The following KRT85 variants were observed in gnomAD, a reference collection of about 807,000 sequenced individuals.
The protein encoded by KRT85 is keratin, type II cuticular Hb5.
KRT85 carries 39 observed loss-of-function variants against 53.7 expected under a neutral mutation model. The observed-to-expected ratio is 0.73, with a 90% CI of 0.56 to 0.95. The LOEUF is 0.95. Among genes scored for constraint, KRT85 ranks in the 40% least tolerant of loss-of-function variants. The pLI, the probability that KRT85 is intolerant of heterozygous loss-of-function variation, is 0.00. For synonymous variants in KRT85, 291 were observed against 277.5 expected (o/e 1.05, Z -0.48); for missense variants, 668 against 686.0 (o/e 0.97, Z 0.29).
chr12:52,360,362 C>T lies in KRT85; in HGVS notation c.*491G>A, dbSNP rs1409114364. ...AAGGCAGTCTGAGAGAGAAGCAAAA[C>T]ATGAACAGGAATGAACAGGCAAGTG... On this transcript the variant is annotated 3_prime_UTR_variant, in exon 9 of 9. Coordinates refer to ENST00000257901, the MANE Select transcript of KRT85 (RefSeq NM_002283.4). The T allele has an allele frequency of 1.0e-5, 2 of 197,264 alleles. No homozygotes were observed. Among genetic ancestry groups the T allele is most frequent in the African/African-American group, 4.7e-5 (2 of 42,316 alleles). 12.2% of individuals were successfully genotyped at this position (197,264 alleles called of 1,614,324 possible). A position where few individuals can be genotyped will look rare whatever the true frequency, so the allele number is the denominator to read the frequency against.
At position 52,365,158 on chromosome 12, in the gene KRT85, C is replaced by T. The variant is rs759279585; in HGVS notation, c.433G>A (p.Glu145Lys). 1 of 1,614,208 alleles carries T rather than the reference C, an allele frequency of 6.2e-7. No homozygotes were observed. The highest frequency in any genetic ancestry group is 1.1e-5 in the South Asian group (1 of 91,082). The change falls in exon 2 of 9, where the codon GAG becomes AAG. Residue 145 changes from glutamate (E) to lysine (K), a missense_variant. Glu to Lys is a moderately conservative substitution (Grantham distance 56). Coordinates refer to ENST00000257901, the MANE Select transcript of KRT85 (RefSeq NM_002283.4). The stretch of plus-strand genomic sequence containing the variant: ...GTCTCCAGCAGCTTGTTCTGCTGCT[C>T]CAGGAAGCGCACCTGCCATTCAGGT... ...AAFIDKVRFL[E>K]QQNKLLETKW...
intron 4 of KRT85, among the ~76,000 whole-genome samples, chr12:52,363,831 T>A (rs571713967): frequency 2.6e-5 from 4 of 152,256 alleles, no homozygotes; most frequent in Admixed American, 1.3e-4. Flanking sequence ...CACACCAACA[T>A]GCAGAGAGGT....
Position 52,364,142 on chromosome 12 carries a change from G to A in KRT85, c.712C>T (p.Arg238Trp), listed in dbSNP as rs368849863. The A allele has an allele frequency of 1.4e-5, 22 of 1,613,986 alleles. No individual in the cohort carries two copies. The highest frequency in any genetic ancestry group is 1.1e-4 in the East Asian group (5 of 44,888). The change falls in exon 4 of 9, where the codon CGG (arginine) becomes TGG (tryptophan). Residue 238 changes from arginine to tryptophan, a missense_variant. Around this residue, in one of 3 missense-constraint regions of KRT85, gnomAD observed 488 missense variants for 498.1 expected, o/e 0.98. Transcript: ENST00000257901. ...LKKDVDCAYL[R>W]KSDLEANVEA... ...ACATTGGCCTCCAGGTCTGATTTCC[G>A]CAGGTAGGCACAGTCCACGTCCTGG...
intron 6 of KRT85, 22 bp downstream of exon 6, chr12:52,362,832 T>C: frequency 6.2e-7 from 1 of 1,614,154 alleles, no homozygotes; most frequent in African/African-American, 1.3e-5. Flanking sequence ...TGCTGCGTAT[T>C]TGAATCCTCC....
At chr12:52,364,494 A>G (rs1437773537) in intron 2 of KRT85, 128 bp from the exon 3 acceptor site, 2 of 1,555,896 alleles carry the variant, frequency 1.3e-6, no homozygotes, top group Admixed American at 1.9e-5. Context: ...TGGCCCCTCC[A>G]GGATCTATTT....
chr12:52,364,409 C>T, intron 2 of KRT85, 43 bp from the exon 3 acceptor site: 1 of 1,614,150 alleles, frequency 6.2e-7, no homozygotes, highest in South Asian at 1.1e-5. Context: ...GAAACTGGAC[C>T]TTGAATACCA....
chr12:52,363,953 C>T (rs1375883507), intron 4 of KRT85, 115 bp downstream of exon 4: 2 of 861,062 alleles, frequency 2.3e-6, no homozygotes, highest in Admixed American at 3.4e-5. Context: ...GCTCTTTTCA[C>T]ACTTACATTG....
Position 52,365,299 on chromosome 12 carries a change from G to C in KRT85, c.421-129C>G. The stretch of plus-strand genomic sequence containing the variant: ...TAAAGCTGAGTGTCTGCGGCTCAAG[G>C]GGCCCATTCCCAGGCCCCCAGGGAG... On this transcript the variant is annotated intron_variant, in intron 1 of 8. Coordinates refer to ENST00000257901, the MANE Select transcript of KRT85 (RefSeq NM_002283.4). The C allele has an allele frequency of 2.0e-6, 2 of 1,020,212 alleles. 1 individual carries two copies. Among genetic ancestry groups the C allele is most frequent in the African/African-American group, 3.2e-5 (2 of 62,950 alleles). 63.2% of individuals were successfully genotyped at this position (1,020,212 alleles called of 1,614,324 possible). A position where few individuals can be genotyped will look rare whatever the true frequency, so the allele number is the denominator to read the frequency against.
Position 52,362,473 on chromosome 12 carries a change from T to A in KRT85, c.1078-2A>T. 6.2e-7 allele frequency: 1 copy of A among 1,614,056 alleles called. No individual in the cohort carries two copies. The highest frequency in any genetic ancestry group is 8.5e-7 in the Non-Finnish European group (1 of 1,179,964). ...CACAGCAGCCTCCAGCTTGGCACGC[T>A]ATCAGGTGGAGATACAAGGGCCAGG... On this transcript the variant is annotated splice_acceptor_variant, in intron 6 of 8. Transcript: ENST00000257901. LOFTEE classifies it high-confidence loss of function.
intron 3 of KRT85, 69 bp from the exon 4 acceptor site, chr12:52,364,232 C>A: frequency 1.2e-6 from 2 of 1,613,048 alleles, no homozygotes; most frequent in African/African-American, 2.7e-5. Context: ...CTTTGGTCAG[C>A]ATGGTGACCC....
chr12:52,361,096 C>T, intron 8 of KRT85, 50 bp from the exon 9 acceptor site: 1 of 1,509,158 alleles, frequency 6.6e-7, no homozygotes, highest in Non-Finnish European at 9.1e-7. Context: ...GCAATCTCAC[C>T]CACCCTACAA....
Position 52,367,168 on chromosome 12 carries a change from AGCT to A in KRT85, c.235_237del (p.Ser79del). 1 of 1,613,774 alleles carries A rather than the reference AGCT, an allele frequency of 6.2e-7. No individual in the cohort carries two copies. Among genetic ancestry groups the A allele is most frequent in the Non-Finnish European group, 8.5e-7 (1 of 1,180,040 alleles). On this transcript the variant is annotated inframe_deletion, in exon 1 of 9. Transcript: ENST00000257901. ...CACACGCCCCCGGAGCGGTAGCCGA[AGCT>A]GCGTCCGCAGGAGCCGGCTCGGAAG...
rs745361591 is a variant in KRT85 at position 52,366,992 on chromosome 12, G to A, written c.414C>T (p.Ile138=). 4 of 1,613,876 alleles carry A rather than the reference G, an allele frequency of 2.5e-6. No homozygotes were observed. The highest frequency in any genetic ancestry group is 1.7e-6 in the Non-Finnish European group (2 of 1,179,888). ...KSLNSRFAAF[I]DKVRFLEQQN... The stretch of plus-strand genomic sequence containing the variant: ...CGTCTCAGGCCTCACCCACCTTGTC[G>A]ATGAAGGCCGCGAACCTGCTGTTGA... Residue 138 remains isoleucine, a synonymous_variant, in exon 1 of 9, where the codon ATC becomes ATT. Transcript: ENST00000257901.
At chr12:52,363,934 T>C (rs1206797537) in intron 4 of KRT85, 134 bp downstream of exon 4, 1 of 791,028 alleles carries the variant, frequency 1.3e-6, no homozygotes, top group African/African-American at 1.7e-5. Context: ...CCCCAGCACG[T>C]ATGTGCAAGC....
intron 5 of KRT85, 73 bp downstream of exon 5, chr12:52,363,173 A>C (rs1031462884): frequency 2.5e-6 from 4 of 1,597,312 alleles, no homozygotes; most frequent in Admixed American, 1.7e-5. Context: ...CAGGCAAGAG[A>C]AATCTTTTCT....
At chr12:52,362,200 G>C in intron 7 of KRT85, 51 bp downstream of exon 7, 1 of 1,613,644 alleles carries the variant, frequency 6.2e-7, no homozygotes, top group Non-Finnish European at 8.5e-7. Flanking sequence ...TTCACTCCTG[G>C]AGGACCACAG....
At chr12:52,363,474 A>T in intron 4 of KRT85, 64 bp from the exon 5 acceptor site, 2 of 1,583,936 alleles carry the variant, frequency 1.3e-6, no homozygotes, top group Non-Finnish European at 1.7e-6. Context: ...GATCCACCCC[A>T]GGGGACAATG....
chr12:52,361,394 G>T, intron 8 of KRT85, 73 bp downstream of exon 8: 1 of 1,377,634 alleles, frequency 7.3e-7, no homozygotes, highest in Non-Finnish European at 1.0e-6. Context: ...GAGGCTCCAT[G>T]GGTTAGGCCA....
intron 2 of KRT85, among the ~76,000 whole-genome samples, 178 bp downstream of exon 2, chr12:52,364,784 A>G (rs1939247109): frequency 6.6e-6 from 1 of 152,182 alleles, no homozygotes; most frequent in African/African-American, 2.4e-5. Flanking sequence ...ACAGGGGTGG[A>G]GTCTTAGAGG....
Sources: gnomAD v4.1 joint callset for allele counts (sites outside exome capture counted in the v4.1 genomes callset) on GRCh38, gnomAD v4.1.1 for gene constraint, gnomAD v4.1.1 regional missense constraint, MANE v1.5 for transcripts, NCBI Gene and HGNC (gene_info 2026-07-23, HGNC 2026-07-21) for gene names.